MARCHF1: variants seen among roughly 807,000 people sequenced by gnomAD.
The protein encoded by MARCHF1 is membrane associated ring-CH-type finger 1, also known as E3 ubiquitin-protein ligase MARCHF1.
Under a neutral mutation model 54.2 loss-of-function variants are expected in MARCHF1, and 40 were observed. The ratio of observed to expected loss-of-function variants is 0.74; its 90% confidence interval spans 0.57 to 0.96. MARCHF1 has a LOEUF of 0.96. MARCHF1 is among the 40% of genes least tolerant of loss of function. The pLI is 0.00. For synonymous variants in MARCHF1, 236 were observed against 236.3 expected (o/e 1.00, Z 0.01); for missense variants, 586 against 656.5 (o/e 0.89, Z 1.17).
chr4:163,980,028 T>C (rs1229337122), intron 3 of MARCHF1, among the ~76,000 whole-genome samples: 7 of 151,476 alleles, frequency 4.6e-5, no homozygotes, highest in African/African-American at 1.7e-4. Flanking sequence ...TTAAAGTTCA[T>C]ATGGAACCAA....
intron 1 of MARCHF1, among the ~76,000 whole-genome samples, chr4:164,176,895 A>AT (rs1175084135): frequency 7.7e-6 from 1 of 129,906 alleles, no homozygotes; most frequent in East Asian, 2.3e-4. Context: ...ATTTTTCTTG[A>AT]TTTTTTTCTT....
intron 1 of MARCHF1, among the ~76,000 whole-genome samples, chr4:164,334,669 T>A (rs1215785590): frequency 6.6e-6 from 1 of 152,214 alleles, no homozygotes; most frequent in African/African-American, 2.4e-5. Context: ...GATCAAGGAA[T>A]AATTTTGATT....
chr4:163,535,606 T>C (rs545308548), intron 9 of MARCHF1, among the ~76,000 whole-genome samples: 151 of 152,294 alleles, frequency 9.9e-4, no homozygotes, highest in African/African-American at 2.9e-3. Flanking sequence ...CCCAGATAAG[T>C]GGCAGCACAC....
chr4:164,208,740 G>A (rs1222203677), intron 1 of MARCHF1, among the ~76,000 whole-genome samples: 1 of 152,152 alleles, frequency 6.6e-6, no homozygotes, highest in Non-Finnish European at 1.5e-5. Flanking sequence ...AAGCTCTGGA[G>A]TTCAAGAACA....
intron 3 of MARCHF1, among the ~76,000 whole-genome samples, chr4:163,920,450 C>T (rs767231423): frequency 1.1e-4 from 17 of 152,164 alleles, no homozygotes; most frequent in Non-Finnish European, 2.1e-4. Flanking sequence ...TCACCTTCAA[C>T]GACATGTTAG....
chr4:163,823,574 T>C (rs1560773047), intron 4 of MARCHF1, among the ~76,000 whole-genome samples: 1 of 151,922 alleles, frequency 6.6e-6, no homozygotes, highest in Non-Finnish European at 1.5e-5. Flanking sequence ...CAGGTTATCA[T>C]AATGTATAAA....
intron 2 of MARCHF1, among the ~76,000 whole-genome samples, chr4:164,008,581 G>A (rs570885147): frequency 6.6e-6 from 1 of 151,870 alleles, no homozygotes; most frequent in South Asian, 2.1e-4. Context: ...CCACATCTTA[G>A]GCAAAAATAC....
At chr4:163,867,929 C>T (rs904175413) in intron 3 of MARCHF1, among the ~76,000 whole-genome samples, 3 of 149,220 alleles carry the variant, frequency 2.0e-5, no homozygotes, top group Middle Eastern at 3.2e-3. Context: ...TGTGGACATG[C>T]TATCTACACT....
Position 163,900,366 on chromosome 4 carries a change from A to G in MARCHF1, c.-38-46197T>C, listed in dbSNP as rs1219517789. Among the ~76,000 whole-genome samples the G allele has an allele frequency of 2.0e-5, 3 of 151,862 alleles. No homozygotes were observed. In the East Asian group the frequency reaches 5.8e-4, roughly 29 times the overall value. Reference sequence around the variant, plus strand: ...TTTTTTTTTTTAAAAAAACTCTCCAATGTTTACACATAGTGAACTTTCTTG... The same window carrying G: ...TTTTTTTTTTTAAAAAAACTCTCCAGTGTTTACACATAGTGAACTTTCTTG... On this transcript the variant is annotated intron_variant, in intron 3 of 9. Coordinates refer to ENST00000514618, the MANE Select transcript of MARCHF1 (RefSeq NM_001394959.1).
intron 1 of MARCHF1, among the ~76,000 whole-genome samples, chr4:164,331,881 C>T (rs1255473528): frequency 6.6e-6 from 1 of 152,106 alleles, no homozygotes; most frequent in Non-Finnish European, 1.5e-5. Context: ...AAAGAACTTC[C>T]ATGTGCTTAT....
At chr4:164,183,927 A>C (rs112624644) in intron 1 of MARCHF1, among the ~76,000 whole-genome samples, 1,829 of 152,308 alleles carry the variant, frequency 0.012, 40 homozygotes, top group East Asian at 0.092. Context: ...ACTGGTCCTT[A>C]GTCCACTGAA....
At position 163,724,734 on chromosome 4, in the gene MARCHF1, C is replaced by T. The variant is rs1034271047; in HGVS notation, c.112-23871G>A. Among the ~76,000 whole-genome samples, 9 of 152,322 alleles carry T rather than the reference C, an allele frequency of 5.9e-5. No individual in the cohort carries two copies. The East Asian group carries it at 1.7e-3, about 29-fold the overall frequency. On this transcript the variant is annotated intron_variant, in intron 4 of 9. Transcript: ENST00000514618. ...GGGCGCCCCTCCCTCAGCCTCGCTG[C>T]CACCTTGCAGTTTGATCTCAGACTG...
chr4:163,821,872 T>A (rs907290166), intron 4 of MARCHF1, among the ~76,000 whole-genome samples: 4 of 151,834 alleles, frequency 2.6e-5, no homozygotes, highest in Non-Finnish European at 4.4e-5. Flanking sequence ...AAATACTATC[T>A]GTGGATTTGG....
chr4:164,371,560 C>T (rs1489575708), intron 1 of MARCHF1, among the ~76,000 whole-genome samples: 1 of 151,856 alleles, frequency 6.6e-6, no homozygotes, highest in East Asian at 1.9e-4. Flanking sequence ...AAAATTCAAA[C>T]CAATAAGGAA....
intron 5 of MARCHF1, among the ~76,000 whole-genome samples, chr4:163,632,740 C>T (rs997447911): frequency 4.6e-5 from 7 of 152,204 alleles, no homozygotes; most frequent in Non-Finnish European, 8.8e-5. Flanking sequence ...TGGGTGGAGC[C>T]CACCATAGCT....
rs10573891 is a variant in MARCHF1 at position 164,148,142 on chromosome 4, AACAC to A, written c.-322-36484_-322-36481del. 1.3e-3 allele frequency among the ~76,000 whole-genome samples: 192 copies of A among 147,804 alleles called. 1 individual carries two copies. The East Asian group carries it at 0.015, about 11-fold the overall frequency. On this transcript the variant is annotated intron_variant, in intron 1 of 9. Transcript: ENST00000514618. ...ATCATGAACCGTGGTTTAAAAAAAT[AACAC>A]ACACACACACACACACACACACACT...
intron 3 of MARCHF1, among the ~76,000 whole-genome samples, chr4:163,957,757 T>C (rs887547292): frequency 2.0e-5 from 3 of 152,024 alleles, no homozygotes; most frequent in African/African-American, 7.2e-5. Context: ...ACTTTCACCC[T>C]GTAAGTGGAC....
intron 1 of MARCHF1, among the ~76,000 whole-genome samples, chr4:164,215,514 A>T (rs1465160768): frequency 2.0e-5 from 3 of 152,096 alleles, no homozygotes; most frequent in Admixed American, 2.0e-4. Flanking sequence ...TCTTGTCTTC[A>T]CCTAGGTCTG....
intron 1 of MARCHF1, among the ~76,000 whole-genome samples, chr4:164,207,799 C>A (rs1420832558): frequency 1.3e-5 from 2 of 152,126 alleles, no homozygotes; most frequent in East Asian, 1.9e-4. Context: ...GGGGGATCAA[C>A]ACACACTGGG....
Sources: gnomAD v4.1 joint callset for allele counts (sites outside exome capture counted in the v4.1 genomes callset) on GRCh38, gnomAD v4.1.1 for gene constraint, MANE v1.5 for transcripts, NCBI Gene and HGNC (gene_info 2026-07-23, HGNC 2026-07-21) for gene names.